The following SLCO1B3 variants were observed in gnomAD, a reference collection of about 807,000 sequenced individuals.
SLCO1B3 encodes the protein solute carrier organic anion transporter family member 1B3.
A neutral mutation model predicts 71.8 loss-of-function variants in SLCO1B3; 72 were observed. The ratio of observed to expected loss-of-function variants is 1.00; its 90% CI spans 0.83 to 1.22. The LOEUF (loss-of-function observed/expected upper bound fraction) is 1.22, where lower values mean the gene tolerates loss of function less well. Ranked by LOEUF, SLCO1B3 falls within the 50% of genes most tolerant of loss-of-function variation. The pLI is 0.00. For synonymous variants in SLCO1B3, 298 were observed against 278.4 expected, an observed-to-expected ratio of 1.07 and a Z score of -0.70; for missense variants, 911 against 819.7, an observed-to-expected ratio of 1.11 and a Z score of -1.36.
chr12:20,869,840 A>G (rs1865446766), intron 8 of SLCO1B3, among the ~76,000 whole-genome samples: 1 of 152,146 alleles, frequency 6.6e-6, no homozygotes, highest in African/African-American at 2.4e-5. Context: ...ATTATTTTGG[A>G]TATACACCTA....
At position 20,811,905 on chromosome 12, in the gene SLCO1B3, A is replaced by ATTTTTTTTTT. The variant is rs11292391; in HGVS notation, c.-181+1151_-181+1160dup. 2.0e-4 allele frequency among the ~76,000 whole-genome samples: 23 copies of ATTTTTTTTTT among 114,826 alleles called. 1 individual carries two copies. The highest frequency in any genetic ancestry group is 5.3e-4 in the East Asian group (2 of 3,742). The allele number at this position is 114,826 out of a possible 152,430, so 75.3% of individuals were successfully genotyped here. The stretch of plus-strand genomic sequence containing the variant: ...TAGGTACTTTGTACTTACTTGATAC[A>ATTTTTTTTTT]TTTTTTTTTTTTTTTTTTTGAGAAG... On this transcript the variant is annotated intron_variant, in intron 1 of 15. Coordinates refer to ENST00000381545, the MANE Select transcript of SLCO1B3 (RefSeq NM_019844.4).
At position 20,868,932 on chromosome 12, in the gene SLCO1B3, C is replaced by T. The variant is rs536165622; in HGVS notation, c.727+6078C>T. Among the ~76,000 whole-genome samples the T allele has an allele frequency of 7.6e-4, 115 of 152,236 alleles. 1 individual carries two copies. The highest frequency in any genetic ancestry group is 1.3e-3 in the Non-Finnish European group (89 of 67,996). On this transcript the variant is annotated intron_variant, in intron 8 of 15. Coordinates refer to ENST00000381545, the MANE Select transcript of SLCO1B3 (RefSeq NM_019844.4). The stretch of plus-strand genomic sequence containing the variant: ...AACTTACACCATTATTTCTGCATAT[C>T]AGAGACTTTTAGTACTTTCACTAAT...
At chr12:20,831,533 T>C (rs1864542533) in intron 3 of SLCO1B3, among the ~76,000 whole-genome samples, 1 of 152,176 alleles carries the variant, frequency 6.6e-6, no homozygotes, top group East Asian at 1.9e-4. Context: ...TACAACAATT[T>C]TGTAAAGACT....
chr12:20,863,418 A>G (rs1865309719), intron 8 of SLCO1B3, among the ~76,000 whole-genome samples: 1 of 152,192 alleles, frequency 6.6e-6, no homozygotes, highest in Admixed American at 6.5e-5. Context: ...CTTTACTCTC[A>G]GAGCATGCTT....
At chr12:20,847,788 C>T (rs1017011997) in intron 3 of SLCO1B3, among the ~76,000 whole-genome samples, 1 of 151,296 alleles carries the variant, frequency 6.6e-6, no homozygotes, top group African/African-American at 2.4e-5. Context: ...ACAGGGATTT[C>T]AGAAGGAGAA....
At chr12:20,866,168 CAAAGA>C (rs958024521) in intron 8 of SLCO1B3, among the ~76,000 whole-genome samples, 4 of 151,960 alleles carry the variant, frequency 2.6e-5, no homozygotes, top group African/African-American at 9.7e-5. Flanking sequence ...CTCCCAGAAG[CAAAGA>C]AAAGTCATGA....
At chr12:20,855,214 G>A (rs1865109398) in intron 4 of SLCO1B3, 45 bp downstream of exon 4, 1 of 1,525,250 alleles carries the variant, frequency 6.6e-7, no homozygotes, top group African/African-American at 1.4e-5. Context: ...TGCATAAGTT[G>A]AAAAACAAAC....
intron 3 of SLCO1B3, among the ~76,000 whole-genome samples, chr12:20,816,098 A>G (rs1864187398): frequency 6.6e-6 from 1 of 152,166 alleles, no homozygotes; most frequent in South Asian, 2.1e-4. Context: ...GTAGGTATGT[A>G]TGTTTATGGG....
At chr12:20,835,212 C>G (rs1452791993) in intron 3 of SLCO1B3, among the ~76,000 whole-genome samples, 2 of 152,188 alleles carry the variant, frequency 1.3e-5, no homozygotes, top group African/African-American at 4.8e-5. Context: ...GGACCAGGCT[C>G]AGGAAACCAT....
intron 3 of SLCO1B3, among the ~76,000 whole-genome samples, chr12:20,823,189 C>T (rs532989284): frequency 8.5e-5 from 13 of 152,190 alleles, no homozygotes; most frequent in Admixed American, 2.6e-4. Context: ...GAAAATGTTT[C>T]GTGTGTATAA....
At chr12:20,819,654 TGGG>T (rs996602215) in intron 3 of SLCO1B3, among the ~76,000 whole-genome samples, 1 of 151,976 alleles carries the variant, frequency 6.6e-6, no homozygotes, top group African/African-American at 2.4e-5. Flanking sequence ...ACAGGTAAAA[TGGG>T]GGAATTGTAA....
chr12:20,880,988 T>C lies in SLCO1B3; in HGVS notation c.1465T>C (p.Cys489Arg), dbSNP rs1013915273. ...TTACCTGTCACCTTGTCTAGCAGGA[T>C]GCAAATCCTCAAGTGGTATTAAAAA... The part of the protein sequence containing the change: ...ITYLSPCLAG[C>R]KSSSGIKKHT... Residue 489 changes from cysteine to arginine, a missense_variant, in exon 12 of 16, where the codon TGC becomes CGC. Cys to Arg is a radical substitution (Grantham distance 180, BLOSUM62 -3). Coordinates refer to ENST00000381545, the MANE Select transcript of SLCO1B3 (RefSeq NM_019844.4). 2 of 1,611,716 alleles carry C rather than the reference T, an allele frequency of 1.2e-6. No homozygotes were observed. Among genetic ancestry groups the C allele is most frequent in the South Asian group, 2.2e-5 (2 of 90,766 alleles).
chr12:20,814,085 A>G (rs1416318621), intron 2 of SLCO1B3, among the ~76,000 whole-genome samples: 1 of 152,188 alleles, frequency 6.6e-6, no homozygotes, highest in Non-Finnish European at 1.5e-5. Flanking sequence ...TATGCTATAT[A>G]CATAACATAT....
intron 7 of SLCO1B3, 77 bp downstream of exon 7, chr12:20,862,635 T>C: frequency 6.8e-7 from 1 of 1,476,384 alleles, no homozygotes; most frequent in Non-Finnish European, 9.2e-7. Context: ...CATTATTTTT[T>C]TCTTTTACCT....
intron 3 of SLCO1B3, among the ~76,000 whole-genome samples, chr12:20,842,302 C>T (rs1864819259): frequency 6.6e-6 from 1 of 152,114 alleles, no homozygotes; most frequent in Non-Finnish European, 1.5e-5. Flanking sequence ...CTTGACCTAT[C>T]ATAATTGAGA....
intron 13 of SLCO1B3, among the ~76,000 whole-genome samples, chr12:20,883,829 A>G (rs1436248399): frequency 1.7e-5 from 2 of 114,630 alleles, no homozygotes; most frequent in African/African-American, 5.3e-5. Flanking sequence ...TCTCTTTAAT[A>G]AAAATCTTAA....
chr12:20,827,479 T>A (rs1038886557), intron 3 of SLCO1B3, among the ~76,000 whole-genome samples: 1 of 152,202 alleles, frequency 6.6e-6, no homozygotes, highest in Non-Finnish European at 1.5e-5. Flanking sequence ...CATAAATACG[T>A]AGACTTATTA....
At chr12:20,855,761 A>G (rs1865121351) in intron 4 of SLCO1B3, among the ~76,000 whole-genome samples, 1 of 150,612 alleles carries the variant, frequency 6.6e-6, no homozygotes, top group South Asian at 2.1e-4. Context: ...AAAATATTAT[A>G]TAATAATTGA....
rs1409383068 is a variant in SLCO1B3 at position 20,877,914 on chromosome 12, A to T, written c.1113A>T (p.Ala371=). The part of the protein sequence containing the change: ...KYMEQQYGQS[A]SHANFLLGII... ...TGGAGCAACAGTACGGTCAGTCTGCATCTCATGCTAACTTTTTGTTGGGTA... is the reference window on the plus strand; with the variant it reads ...TGGAGCAACAGTACGGTCAGTCTGCTTCTCATGCTAACTTTTTGTTGGGTA... The change falls in exon 10 of 16, where the codon GCA becomes GCT. Residue 371 remains alanine (A), a synonymous_variant. Coordinates refer to ENST00000381545, the MANE Select transcript of SLCO1B3 (RefSeq NM_019844.4). The T allele has an allele frequency of 6.3e-7, 1 of 1,591,152 alleles. No homozygotes were observed. The highest frequency in any genetic ancestry group is 8.5e-7 in the Non-Finnish European group (1 of 1,171,274).
Sources: gnomAD v4.1 joint callset for allele counts (sites outside exome capture counted in the v4.1 genomes callset) on GRCh38, gnomAD v4.1.1 for gene constraint, MANE v1.5 for transcripts, NCBI Gene and HGNC (gene_info 2026-07-23, HGNC 2026-07-21) for gene names.